PLXDC2: variants seen among roughly 807,000 people sequenced by gnomAD.
PLXDC2 encodes plexin domain-containing protein 2.
Under a neutral mutation model 68.9 loss-of-function variants are expected in PLXDC2, and 40 were observed. The observed-to-expected ratio is 0.58, with a 90% CI of 0.45 to 0.76. PLXDC2 has a LOEUF of 0.76. PLXDC2 is among the 30% of genes least tolerant of loss of function. PLXDC2 has a pLI of 0.00. For missense variants in PLXDC2, 644 were observed against 661.9 expected (o/e 0.97, Z 0.30); for synonymous variants, 243 against 234.2 (o/e 1.04, Z -0.34).
In PLXDC2 at chr10:20,275,496, G is replaced by T. The variant is rs1235186652; in HGVS notation, c.1474-4207G>T. Among the ~76,000 whole-genome samples the T allele has an allele frequency of 6.6e-5, 10 of 152,188 alleles. No individual in the cohort carries two copies. The East Asian group carries it at 1.7e-3, about 26-fold the overall frequency. On this transcript the variant is annotated intron_variant, in intron 13 of 13. Coordinates refer to ENST00000377252, the MANE Select transcript of PLXDC2 (RefSeq NM_032812.9). ...TTCATAAACTCCATGAGGGCTCGGG[G>T]AGCGCACGCAAGCAAGGAACTGTAC...
rs1370612829 is a variant in PLXDC2 at position 20,282,803 on chromosome 10, G to A, written c.*2984G>A. 6.6e-6 allele frequency: 1 copy of A among 152,134 alleles called. No homozygotes were observed. The highest frequency in any genetic ancestry group is 2.4e-5 in the African/African-American group (1 of 41,442). 9.4% of individuals were successfully genotyped at this position (152,134 alleles called of 1,614,324 possible). A position where few individuals can be genotyped will look rare whatever the true frequency, so the allele number is the denominator to read the frequency against. The stretch of plus-strand genomic sequence containing the variant: ...GGACTTCAAGATATACTAACACCTA[G>A]AAAACTAAAAGTGCAATTGACCCCC... On this transcript the variant is annotated 3_prime_UTR_variant, in exon 14 of 14. Coordinates refer to ENST00000377252, the MANE Select transcript of PLXDC2 (RefSeq NM_032812.9).
intron 12 of PLXDC2, among the ~76,000 whole-genome samples, chr10:20,232,463 T>G (rs1031589359): frequency 4.9e-4 from 75 of 152,142 alleles, no homozygotes; most frequent in African/African-American, 1.8e-3. Context: ...TAATTGTCAA[T>G]AACTAGAAAT....
At chr10:19,974,435 C>T (rs1030558038) in intron 1 of PLXDC2, among the ~76,000 whole-genome samples, 2 of 152,144 alleles carry the variant, frequency 1.3e-5, no homozygotes, top group African/African-American at 4.8e-5. Flanking sequence ...AATATGAAGT[C>T]GTTCAAAGGC....
chr10:20,040,807 A>C (rs1328973520), intron 2 of PLXDC2, among the ~76,000 whole-genome samples: 3 of 152,154 alleles, frequency 2.0e-5, no homozygotes, highest in African/African-American at 7.2e-5. Flanking sequence ...GAGGAAAATA[A>C]TGGGCTTTCA....
At chr10:20,231,834 A>C (rs1835368860) in intron 12 of PLXDC2, among the ~76,000 whole-genome samples, 1 of 152,124 alleles carries the variant, frequency 6.6e-6, no homozygotes, top group South Asian at 2.1e-4. Context: ...TGGCTAACAT[A>C]GCGAGACTCT....
At chr10:19,969,213 A>G (rs1834310853) in intron 1 of PLXDC2, among the ~76,000 whole-genome samples, 1 of 152,204 alleles carries the variant, frequency 6.6e-6, no homozygotes, top group South Asian at 2.1e-4. Flanking sequence ...CTATACTGCT[A>G]GAAGGTTTCT....
intron 4 of PLXDC2, among the ~76,000 whole-genome samples, chr10:20,091,422 C>T (rs1360342776): frequency 7.2e-5 from 11 of 152,172 alleles, no homozygotes; most frequent in Non-Finnish European, 1.3e-4. Flanking sequence ...TACATACTTT[C>T]GGTCTTCACC....
chr10:19,964,548 C>T (rs553425660), intron 1 of PLXDC2, among the ~76,000 whole-genome samples: 1 of 152,296 alleles, frequency 6.6e-6, no homozygotes, highest in Non-Finnish European at 1.5e-5. Context: ...AATAAGCACA[C>T]ATCATCCTAG....
At chr10:19,941,337 C>T (rs1221584907) in intron 1 of PLXDC2, among the ~76,000 whole-genome samples, 2 of 152,186 alleles carry the variant, frequency 1.3e-5, no homozygotes, top group African/African-American at 2.4e-5. Flanking sequence ...TCTCTTGGAC[C>T]TGGGAATTGT....
At chr10:19,994,312 A>ATTTTTTTT (rs869124443) in intron 1 of PLXDC2, among the ~76,000 whole-genome samples, 1 of 34,322 alleles carries the variant, frequency 2.9e-5, no homozygotes, top group South Asian at 1.6e-3. Flanking sequence ...ACATGATTAA[A>ATTTTTTTT]TTTTTTTTTT....
At chr10:20,267,698 CAAA>C (rs1044997288) in intron 13 of PLXDC2, among the ~76,000 whole-genome samples, 1 of 152,078 alleles carries the variant, frequency 6.6e-6, no homozygotes, top group Non-Finnish European at 1.5e-5. Flanking sequence ...GGAAAAAGAA[CAAA>C]TGACCTAAAT....
chr10:20,194,568 TATG>T (rs751939069), intron 9 of PLXDC2, among the ~76,000 whole-genome samples: 6 of 151,976 alleles, frequency 3.9e-5, no homozygotes, highest in Admixed American at 6.6e-5. Context: ...ACCTCACAAA[TATG>T]ATATCTTTTG....
chr10:20,071,147 G>C (rs978903655), intron 4 of PLXDC2: 1 of 152,178 alleles, frequency 6.6e-6, no homozygotes, highest in Non-Finnish European at 1.5e-5. Flanking sequence ...ATTGACCTGG[G>C]TGTCTTCAAA....
intron 2 of PLXDC2, among the ~76,000 whole-genome samples, chr10:20,029,223 G>A (rs1355177314): frequency 1.3e-5 from 2 of 151,898 alleles, no homozygotes; most frequent in African/African-American, 2.4e-5. Context: ...TTAGTTCAGC[G>A]GTTATCTTCT....
chr10:20,206,739 C>G (rs957186640), intron 9 of PLXDC2, among the ~76,000 whole-genome samples: 4 of 152,064 alleles, frequency 2.6e-5, no homozygotes, highest in Admixed American at 2.6e-4. Flanking sequence ...TGCATTTGGA[C>G]AGGCATCTCA....
chr10:20,132,378 T>G (rs919532254), intron 4 of PLXDC2, among the ~76,000 whole-genome samples: 5 of 152,204 alleles, frequency 3.3e-5, no homozygotes, highest in African/African-American at 1.2e-4. Flanking sequence ...TTCAGTCTTG[T>G]TCGTGTCTTC....
intron 12 of PLXDC2, among the ~76,000 whole-genome samples, chr10:20,231,434 G>A (rs1407968696): frequency 1.3e-5 from 2 of 151,314 alleles, no homozygotes; most frequent in Non-Finnish European, 2.9e-5. Flanking sequence ...AGTTTTAAAT[G>A]TTTATACTAG....
chr10:20,096,763 A>C (rs1412986817), intron 4 of PLXDC2, among the ~76,000 whole-genome samples: 3 of 152,104 alleles, frequency 2.0e-5, no homozygotes, highest in Admixed American at 1.3e-4. Context: ...ATTTTGTTTT[A>C]ATCTTGAAAC....
intron 1 of PLXDC2, among the ~76,000 whole-genome samples, chr10:19,910,893 C>T (rs1833258443): frequency 6.6e-6 from 1 of 151,890 alleles, no homozygotes; most frequent in African/African-American, 2.4e-5. Flanking sequence ...GCCTGTAATC[C>T]CAGTTACTTG....
Sources: gnomAD v4.1 joint callset for allele counts (sites outside exome capture counted in the v4.1 genomes callset) on GRCh38, gnomAD v4.1.1 for gene constraint, MANE v1.5 for transcripts, NCBI Gene and HGNC (gene_info 2026-07-23, HGNC 2026-07-21) for gene names.